DYNLT3: variants seen among roughly 807,000 people sequenced by gnomAD.
DYNLT3 encodes the protein dynein light chain Tctex-type 3, also known as protein 91/23.
In DYNLT3, 4 loss-of-function variants were observed where a neutral mutation model predicts 11.0. That is an observed-to-expected ratio of 0.36 (90% CI 0.18 to 0.83). The LOEUF is 0.83. Ranked by LOEUF, DYNLT3 falls within the 40% of genes least tolerant of loss-of-function variation. The pLI is 0.47. For synonymous variants in DYNLT3, 37 were observed against 31.2 expected, an observed-to-expected ratio of 1.18 and a Z score of -0.61; for missense variants, 91 against 91.1, an observed-to-expected ratio of 1.00 and a Z score of 0.01.
At position 37,840,129 on chromosome X, in the gene DYNLT3, A is replaced by T. The variant is rs1228198186; in HGVS notation, c.*446T>A. The T allele has an allele frequency of 8.9e-6, 1 of 111,974 alleles. No individual in the cohort carries two copies. Among genetic ancestry groups the T allele is most frequent in the African/African-American group, 3.2e-5 (1 of 30,787 alleles). 9.2% of individuals were successfully genotyped at this position (111,974 alleles called of 1,213,427 possible). ...AGTACAACTGAGGGGAAGAAAGTTT[A>T]AAAAAACTTAAAAATGTTAGCTAAT... On this transcript the variant is annotated 3_prime_UTR_variant, in exon 5 of 5. Transcript: ENST00000378578.
intron 1 of DYNLT3, among the ~76,000 whole-genome samples, chrX:37,846,562 C>A: frequency 9.0e-6 from 1 of 111,419 alleles, no homozygotes; most frequent in East Asian, 2.8e-4. Flanking sequence ...GCAGAGCCTG[C>A]AAGTCTACAT....
intron 2 of DYNLT3, among the ~76,000 whole-genome samples, chrX:37,843,186 G>C (rs953117468): frequency 8.9e-6 from 1 of 112,469 alleles, no homozygotes; most frequent in African/African-American, 3.2e-5. Context: ...ACATGACAAA[G>C]TAGGAAGGGT....
chrX:37,846,930 G>A (rs1930276972), intron 1 of DYNLT3: 3 of 1,041,598 alleles, frequency 2.9e-6, no homozygotes, highest in South Asian at 4.0e-5. Context: ...TCAATAACAG[G>A]GAGATAACAA....
chrX:37,841,065 G>A lies in DYNLT3; in HGVS notation c.237C>T (p.His79=). 8.3e-7 allele frequency: 1 copy of A among 1,210,784 alleles called. No individual in the cohort carries two copies. Among genetic ancestry groups the A allele is most frequent in the East Asian group, 3.0e-5 (1 of 33,821 alleles). Residue 79 remains histidine, a synonymous_variant, in exon 4 of 5, where the codon CAC becomes CAT. Coordinates refer to ENST00000378578, the MANE Select transcript of DYNLT3 (RefSeq NM_006520.3). The part of the protein sequence containing the change: ...AVVQKSAYGF[H]TASSCFWDTT... ...TATCCCAAAAACAGGAGCTGGCTGT[G>A]TGAAAGCCATATGCGCTCTTCTGGA...
chrX:37,838,851 T>C lies in DYNLT3; in HGVS notation c.*1724A>G, dbSNP rs1930090696. ...GAAGCAAAAGTACAGCACAGGAAGA[T>C]AATATTTATTATATTTTAACTAGAA... On this transcript the variant is annotated 3_prime_UTR_variant, in exon 5 of 5. Transcript: ENST00000378578. 1 of 111,699 alleles carries C rather than the reference T, an allele frequency of 9.0e-6. No individual in the cohort carries two copies. Among genetic ancestry groups the C allele is most frequent in the Non-Finnish European group, 1.9e-5 (1 of 53,194 alleles). 9.2% of individuals were successfully genotyped at this position (111,699 alleles called of 1,213,427 possible). A position where few individuals can be genotyped will look rare whatever the true frequency, so the allele number is the denominator to read the frequency against.
chrX:37,841,260 GA>G (rs940414477), intron 3 of DYNLT3, among the ~76,000 whole-genome samples, 155 bp from the exon 4 acceptor site: 2 of 108,713 alleles, frequency 1.8e-5, no homozygotes, highest in Non-Finnish European at 3.8e-5. Flanking sequence ...CAAATAGATT[GA>G]AAAAAAAATA....
In DYNLT3 at chrX:37,840,762, ACACAC is replaced by A. The variant is rs1569481820; in HGVS notation, c.275-116_275-112del. ...CACACACACACATATACACACACACACACACACACACACACACACACACACACATA... is the reference window on the plus strand; with the variant it reads ...CACACACACACATATACACACACACAACACACACACACACACACACACATA... On this transcript the variant is annotated intron_variant, in intron 4 of 4. Coordinates refer to ENST00000378578, the MANE Select transcript of DYNLT3 (RefSeq NM_006520.3). 8.8e-3 allele frequency: 2,770 copies of A among 314,771 alleles called. 78 individuals carry two copies. Among genetic ancestry groups the A allele is most frequent in the African/African-American group, 0.08 (2,390 of 30,009 alleles). 25.9% of individuals were successfully genotyped at this position (314,771 alleles called of 1,213,427 possible).
chrX:37,843,129 T>C (rs573105475), intron 2 of DYNLT3, among the ~76,000 whole-genome samples: 69 of 112,262 alleles, frequency 6.1e-4, no homozygotes, highest in African/African-American at 2.1e-3. Context: ...TTTAGCAAGG[T>C]TGACAAAAGT....
At chrX:37,846,069 G>A (rs1400912276) in intron 2 of DYNLT3, among the ~76,000 whole-genome samples, 1 of 111,993 alleles carries the variant, frequency 8.9e-6, no homozygotes, top group Non-Finnish European at 1.9e-5. Context: ...TACTCGGGAG[G>A]CTGAGACAGG....
Position 37,841,176 on chromosome X carries a change from G to A in DYNLT3, c.197-71C>T, listed in dbSNP as rs752377498. On this transcript the variant is annotated intron_variant, in intron 3 of 4. Coordinates refer to ENST00000378578, the MANE Select transcript of DYNLT3 (RefSeq NM_006520.3). The stretch of plus-strand genomic sequence containing the variant: ...AGAGAACCAAGGTCAAAGTGTGTGA[G>A]TTCAGAGCTCTACAAGCCGAAAACA... 1.9e-3 allele frequency: 1,712 copies of A among 903,604 alleles called. 1 individual carries two copies. The highest frequency in any genetic ancestry group is 7.4e-3 in the Middle Eastern group (26 of 3,518). The allele number at this position is 903,604 out of a possible 1,213,427, so 74.5% of individuals were successfully genotyped here. A position where few individuals can be genotyped will look rare whatever the true frequency, so the allele number is the denominator to read the frequency against.
rs78918057 is a variant in DYNLT3, at chrX:37,841,104, C to G, written c.198G>C (p.Val66=). ...VKLGKAYKYI[V]TCAVVQKSAY... The stretch of plus-strand genomic sequence containing the variant: ...CGCTCTTCTGGACCACTGCACAGGT[C>G]ACTGCAAATAAAGTCACAGAATGAG... Residue 66 remains valine, a splice_region_variant and synonymous_variant, in exon 4 of 5, where the codon GTG becomes GTC. Transcript: ENST00000378578. The G allele has an allele frequency of 7.4e-4, 885 of 1,200,814 alleles. 3 individuals carry two copies. The African/African-American group carries it at 0.014, about 20-fold the overall frequency.
intron 1 of DYNLT3, 65 bp downstream of exon 1, chrX:37,847,416 G>A (rs952455311): frequency 5.6e-5 from 57 of 1,009,015 alleles, no homozygotes; most frequent in Non-Finnish European, 6.9e-5. Context: ...GAGACCACCC[G>A]GCAAGAGCCC....
Position 37,847,489 on chromosome X carries a change from A to C in DYNLT3, c.22T>G (p.Cys8Gly). Residue 8 changes from cysteine (C) to glycine (G), a missense_variant, in exon 1 of 5, where the codon TGC becomes GGC. Physicochemically the swap from Cys to Gly is radical, Grantham distance 159. Transcript: ENST00000378578. The stretch of plus-strand genomic sequence containing the variant: ...TAGCCAAGGGGCGGTACCTCGTCGC[A>C]GTGGCGATGGTACTCCTCCATGGTA... Reference protein sequence around the residue: MEEYHRHCDEVGFNAEEA... With the variant: MEEYHRHGDEVGFNAEEA... 1.0e-6 allele frequency: 1 copy of C among 999,242 alleles called. No homozygotes were observed. 82.3% of individuals were successfully genotyped at this position (999,242 alleles called of 1,213,427 possible).
Position 37,840,606 on chromosome X carries a change from A to G in DYNLT3, c.320T>C (p.Val107Ala), listed in dbSNP as rs1443020643. 5 of 1,202,951 alleles carry G rather than the reference A, an allele frequency of 4.2e-6. No individual in the cohort carries two copies. The highest frequency in any genetic ancestry group is 5.6e-6 in the Non-Finnish European group (5 of 892,472). ...AACAATAGCAATGGCAAAAACGTTG[A>G]CAATACAGTTCATGGTCCGGTTCTC... The part of the protein sequence containing the change: ...RWENRTMNCI[V>A]NVFAIAIVL The change falls in exon 5 of 5, where the codon GTC (valine) becomes GCC (alanine). Residue 107 changes from valine to alanine, a missense_variant. Coordinates refer to ENST00000378578, the MANE Select transcript of DYNLT3 (RefSeq NM_006520.3).
chrX:37,847,031 G>A (rs1423014487), intron 1 of DYNLT3: 1 of 1,166,433 alleles, frequency 8.6e-7, no homozygotes, highest in South Asian at 1.9e-5. Flanking sequence ...GCCTAATCCT[G>A]GCAAGCATTA....
chrX:37,839,249 A>G lies in DYNLT3; in HGVS notation c.*1326T>C, dbSNP rs561169933. On this transcript the variant is annotated 3_prime_UTR_variant, in exon 5 of 5. Transcript: ENST00000378578. ...TCAATGAGTTATGGTTCCGCTCTCT[A>G]TATGTATTAGTGTTAGTGGTAATAT... is the stretch of plus-strand genomic sequence containing the variant. 3.9e-4 allele frequency: 44 copies of G among 111,989 alleles called. No homozygotes were observed. In the South Asian group the frequency reaches 0.017, roughly 42 times the overall value. 9.2% of individuals were successfully genotyped at this position (111,989 alleles called of 1,213,427 possible). A position where few individuals can be genotyped will look rare whatever the true frequency, so the allele number is the denominator to read the frequency against.
intron 1 of DYNLT3, 143 bp downstream of exon 1, chrX:37,847,338 C>T (rs1930284878): frequency 2.2e-6 from 2 of 920,560 alleles, no homozygotes; most frequent in Admixed American, 4.7e-5. Flanking sequence ...GGGCGGATCC[C>T]GGGCCCAGGG....
intron 1 of DYNLT3, chrX:37,847,066 C>T: frequency 8.6e-7 from 1 of 1,166,315 alleles, no homozygotes; most frequent in Non-Finnish European, 1.1e-6. Context: ...GGCAGTGCCA[C>T]CAGGACCCCG....
At chrX:37,842,321 T>G (rs890260975) in intron 2 of DYNLT3, among the ~76,000 whole-genome samples, 7 of 111,922 alleles carry the variant, frequency 6.3e-5, no homozygotes, top group Non-Finnish European at 1.1e-4. Context: ...CAGCTGGGAT[T>G]TGAACTAGGG....
Sources: allele counts gnomAD v4.1 joint callset (sites outside exome capture counted in the v4.1 genomes callset), GRCh38; gene constraint gnomAD v4.1.1; transcripts MANE v1.5; gene names NCBI Gene and HGNC (gene_info 2026-07-23, HGNC 2026-07-21).